The following MAP4 variants were observed in gnomAD, a reference collection of about 807,000 sequenced individuals.
MAP4 encodes the protein microtubule associated protein 4, also known as microtubule-associated protein 4.
In MAP4, 76 loss-of-function variants were observed where a neutral mutation model predicts 170.2. The ratio of observed to expected loss-of-function variants is 0.45; its 90% CI spans 0.37 to 0.54. The LOEUF is 0.54. Among genes scored for constraint, MAP4 ranks in the 20% least tolerant of loss-of-function variants. The pLI is 0.00. For missense variants in MAP4, 2,506 were observed against 2,748.0 expected (o/e 0.91, Z 1.97); for synonymous variants, 909 against 994.5 (o/e 0.91, Z 1.62).
rs1288495052 is a variant in MAP4 at position 47,867,329 on chromosome 3, C to T, written c.6418G>A (p.Val2140Ile). Residue 2140 changes from valine to isoleucine, a missense_variant, in exon 17 of 21, where the codon GTC becomes ATC. This residue lies in a region of MAP4 where 487 missense variants were observed against 511.6 expected (regional missense o/e 0.95). Transcript: ENST00000683076. ...QKQPAGKVQIVSKKVSYSHIQ... is the reference protein window; with the variant it reads ...QKQPAGKVQIISKKVSYSHIQ... ...TGGCTGTAGCTCACTTTTTTGGAGA[C>T]TATCTGGACCTGGAGTGTTAGAAAA... 1.2e-6 allele frequency: 2 copies of T among 1,610,238 alleles called. No individual in the cohort carries two copies. Among genetic ancestry groups the T allele is most frequent in the Admixed American group, 1.7e-5 (1 of 59,916 alleles).
At chr3:47,995,492 C>T (rs1455916800) in intron 2 of MAP4, among the ~76,000 whole-genome samples, 1 of 152,134 alleles carries the variant, frequency 6.6e-6, no homozygotes, top group East Asian at 1.9e-4. Flanking sequence ...CTCAGGTGAG[C>T]CACCTGCCTT....
At chr3:48,031,587 T>C (rs926096821) in intron 1 of MAP4, among the ~76,000 whole-genome samples, 3 of 151,680 alleles carry the variant, frequency 2.0e-5, no homozygotes, top group Admixed American at 2.0e-4. Context: ...TAGCCAGGCA[T>C]GGTGGTACGT....
intron 3 of MAP4, among the ~76,000 whole-genome samples, chr3:47,972,451 C>T (rs2100079328): frequency 1.3e-5 from 2 of 152,152 alleles, no homozygotes; most frequent in Admixed American, 1.3e-4. Flanking sequence ...ATTGATATAC[C>T]ATGGAAACCT....
intron 1 of MAP4, among the ~76,000 whole-genome samples, chr3:48,072,197 ATACTAC>A (rs550921639): frequency 5.3e-5 from 8 of 151,514 alleles, no homozygotes; most frequent in South Asian, 4.2e-4. Context: ...CATCTCAAAA[ATACTAC>A]TACTACTACT....
rs184177398 is a variant in MAP4 at position 48,081,928 on chromosome 3, C to G, written c.-20+6845G>C. On this transcript the variant is annotated intron_variant, in intron 1 of 18. Transcript: ENST00000360240. ...AAAGTACAAGATGAGACTGGGGCAT[C>G]TTACAGTGCCAGGAAGTACAAAAGT... Among the ~76,000 whole-genome samples the G allele has an allele frequency of 1.4e-4, 21 of 152,192 alleles. 1 individual carries two copies. The South Asian group carries it at 3.9e-3, about 29-fold the overall frequency.
At chr3:47,869,029 T>A (rs2085854014) in intron 16 of MAP4, among the ~76,000 whole-genome samples, 185 bp downstream of exon 16, 1 of 152,142 alleles carries the variant, frequency 6.6e-6, no homozygotes, top group South Asian at 2.1e-4. Context: ...CTCTATTAAC[T>A]TTCAAGGTTA....
In MAP4 at chr3:47,916,202, A is replaced by T; in HGVS notation, c.1625T>A (p.Val542Glu). 6.2e-7 allele frequency: 1 copy of T among 1,614,142 alleles called. No individual in the cohort carries two copies. Among genetic ancestry groups the T allele is most frequent in the Non-Finnish European group, 8.5e-7 (1 of 1,180,008 alleles). ...TGGGACCTGATCCTCAGTCAGGGCC[A>T]CCTCCATTTCTGGAGGCAGACATAC... is the stretch of plus-strand genomic sequence containing the variant. ...KNVCLPPEMEVALTEDQVPAL... is the reference protein window; with the variant it reads ...KNVCLPPEMEEALTEDQVPAL... The change falls in exon 7 of 21, where the codon GTG becomes GAG. Residue 542 changes from valine to glutamate, a missense_variant. Coordinates refer to ENST00000683076, the MANE Select transcript of MAP4 (RefSeq NM_001385682.1).
intron 10 of MAP4, chr3:47,892,374 C>T (rs2100024461): frequency 2.0e-6 from 3 of 1,536,118 alleles, no homozygotes; most frequent in Non-Finnish European, 2.6e-6. Flanking sequence ...CTCTGCCATT[C>T]GAATCCGGCT....
chr3:48,010,575 C>T (rs571310789), intron 1 of MAP4, among the ~76,000 whole-genome samples: 29 of 152,112 alleles, frequency 1.9e-4, no homozygotes, highest in Middle Eastern at 3.4e-3. Flanking sequence ...AGATTACATA[C>T]GATCTCAGAT....
chr3:48,087,357 ACTCTAAAT>A (rs1559928990), intron 1 of MAP4, among the ~76,000 whole-genome samples: 4 of 152,090 alleles, frequency 2.6e-5, no homozygotes, highest in Non-Finnish European at 5.9e-5. Flanking sequence ...ACAACTGTTC[ACTCTAAAT>A]CCATGTGCTC....
rs1176922763 is a variant in MAP4 at position 47,909,437 on chromosome 3, A to G, written c.4984T>C (p.Ser1662Pro). 2.5e-6 allele frequency: 4 copies of G among 1,613,546 alleles called. No individual in the cohort carries two copies. The East Asian group carries it at 8.9e-5, about 36-fold the overall frequency. The part of the protein sequence containing the change: ...LNKKVDLTLL[S>P]PKSENDKLKE... ...AATTTATCATTTTCACTTTTTGGAG[A>G]CAAAAGAGTCAGATCTACCTTCTTA... is the stretch of plus-strand genomic sequence containing the variant. Residue 1662 changes from serine (S) to proline (P), a missense_variant, in exon 9 of 21, where the codon TCT (serine) becomes CCT (proline). Physicochemically the swap from Ser to Pro is moderately conservative, Grantham distance 74. Transcript: ENST00000683076.
rs991887537 is a variant in MAP4, at chr3:47,911,031, C to T, written c.3390G>A (p.Lys1130=). 6.5e-7 allele frequency: 1 copy of T among 1,536,172 alleles called. No individual in the cohort carries two copies. The highest frequency in any genetic ancestry group is 2.0e-5 in the Admixed American group (1 of 51,000). The part of the protein sequence containing the change: ...GLNSSKQPGT[K]ADLTEAVVMG... The stretch of plus-strand genomic sequence containing the variant: ...TCACCACTGCCTCCGTGAGATCAGC[C>T]TTAGTGCCTGGTTGCTTTGAAGAAT... The change falls in exon 9 of 21, where the codon AAG becomes AAA. Residue 1130 remains lysine, a synonymous_variant. Coordinates refer to ENST00000683076, the MANE Select transcript of MAP4 (RefSeq NM_001385682.1). This position sits in a 1 kb window ranked among gnomAD's most constrained non-coding sequence, Gnocchi z 4.0.
At chr3:47,872,367 TAG>T (rs1238943636) in intron 12 of MAP4, among the ~76,000 whole-genome samples, 2 of 152,066 alleles carry the variant, frequency 1.3e-5, no homozygotes, top group African/African-American at 4.8e-5. Flanking sequence ...GTATTTTTAG[TAG>T]AGACAGGGTT....
At chr3:47,929,325 C>G (rs1487549134) in intron 3 of MAP4, among the ~76,000 whole-genome samples, 1 of 152,166 alleles carries the variant, frequency 6.6e-6, no homozygotes, top group African/African-American at 2.4e-5. Context: ...CACTGCACTA[C>G]AGCCTGGGTG....
chr3:47,922,672 A>G (rs2100043581), intron 4 of MAP4, among the ~76,000 whole-genome samples: 1 of 152,220 alleles, frequency 6.6e-6, no homozygotes, highest in Admixed American at 6.5e-5. Flanking sequence ...TTATCCTAAC[A>G]GAAGAAATAA....
intron 13 of MAP4, 94 bp downstream of exon 13, chr3:47,871,823 C>T (rs2092910125): frequency 1.6e-6 from 2 of 1,249,848 alleles, no homozygotes; most frequent in Non-Finnish European, 2.3e-6. Context: ...GCCTGCACAG[C>T]TGTTTGTGAT....
intron 1 of MAP4, among the ~76,000 whole-genome samples, chr3:48,005,990 T>C (rs747726738): frequency 1.8e-4 from 28 of 152,212 alleles, no homozygotes; most frequent in Non-Finnish European, 3.5e-4. Context: ...ACAATCAGAA[T>C]AGTCTGACTC....
intron 1 of MAP4, among the ~76,000 whole-genome samples, chr3:48,000,549 A>T (rs912592072): frequency 2.6e-5 from 4 of 152,316 alleles, no homozygotes; most frequent in Non-Finnish European, 5.9e-5. Flanking sequence ...TGGGTCAATC[A>T]GAAGTCAAGA....
intron 1 of MAP4, among the ~76,000 whole-genome samples, chr3:48,006,929 C>T (rs908174226): frequency 1.3e-5 from 2 of 152,224 alleles, no homozygotes; most frequent in African/African-American, 4.8e-5. Flanking sequence ...TCTGCAAATG[C>T]CTTTTTCTCT....
Sources: gnomAD v4.1 joint callset for allele counts (sites outside exome capture counted in the v4.1 genomes callset) on GRCh38, gnomAD v4.1.1 for gene constraint, gnomAD v4.1.1 regional missense constraint, Gnocchi (gnomAD v3.1) non-coding constraint, MANE v1.5 for transcripts, NCBI Gene and HGNC (gene_info 2026-07-23, HGNC 2026-07-21) for gene names.